Variants in BANP observed in about 807,000 individuals in gnomAD.
BANP encodes BTG3 associated nuclear protein, also known as protein BANP.
A neutral mutation model predicts 68.1 loss-of-function variants in BANP; 11 were observed. That is an observed-to-expected ratio of 0.16 (90% CI 0.10 to 0.27). The LOEUF (loss-of-function observed/expected upper bound fraction) is 0.27. Among genes scored for constraint, BANP ranks in the 10% least tolerant of loss-of-function variants. The pLI, the probability that BANP is intolerant of heterozygous loss-of-function variation, is 1.00. For synonymous variants in BANP, 329 were observed against 303.2 expected (o/e 1.09, Z -0.88); for missense variants, 504 against 722.7 (o/e 0.70, Z 3.47).
At position 87,988,430 on chromosome 16, in the gene BANP, A is replaced by AT. The variant is rs879815857; in HGVS notation, c.362+4185dup. ...AGGTGCAGGCCACCACGCCTGGCTA[A>AT]TTTTTTTTTTTTTTAAATTAGAGAT... On this transcript the variant is annotated intron_variant, in intron 4 of 13. Coordinates refer to ENST00000682872, the MANE Select transcript of BANP (RefSeq NM_001386991.1). Among the ~76,000 whole-genome samples the AT allele has an allele frequency of 6.2e-3, 895 of 144,404 alleles. 10 individuals are homozygous for AT. Among genetic ancestry groups the AT allele is most frequent in the African/African-American group, 0.019 (766 of 39,478 alleles). 94.7% of individuals were successfully genotyped at this position (144,404 alleles called of 152,430 possible). A position where few individuals can be genotyped will look rare whatever the true frequency, so the allele number is the denominator to read the frequency against.
chr16:87,960,710 C>A (rs2058975865), intron 1 of BANP, among the ~76,000 whole-genome samples: 1 of 152,160 alleles, frequency 6.6e-6, no homozygotes, highest in Admixed American at 6.5e-5. Flanking sequence ...AAAGCACTTT[C>A]ATTGTATTTT....
rs548981659 is a variant in BANP, at chr16:87,967,666, G to T, written c.-68-7382G>T. ...AGATGGAGTCTCACTCTGTCGCCCA[G>T]GCTGGAGTGCAGTGGCGCAGTCTTG... On this transcript the variant is annotated intron_variant, in intron 1 of 13. Coordinates refer to ENST00000682872, the MANE Select transcript of BANP (RefSeq NM_001386991.1). Among the ~76,000 whole-genome samples the T allele has an allele frequency of 3.5e-5, 5 of 141,346 alleles. No individual in the cohort carries two copies. In the South Asian group the frequency reaches 1.1e-3, roughly 31 times the overall value. 92.7% of individuals were successfully genotyped at this position (141,346 alleles called of 152,430 possible).
rs1319041084 is a variant in BANP, at chr16:88,033,359, G to A, written c.1200+114G>A. ...TGTTTTGGGAGCACAGTGATAGCTT[G>A]GGAGGAGGCACAAGGTCCCCATTTA... is the stretch of plus-strand genomic sequence containing the variant. On this transcript the variant is annotated intron_variant, in intron 9 of 13. Transcript: ENST00000682872. The A allele has an allele frequency of 1.3e-5, 15 of 1,140,498 alleles. No homozygotes were observed. In the South Asian group the frequency reaches 3.1e-4, roughly 23 times the overall value. The allele number at this position is 1,140,498 out of a possible 1,614,324, so 70.6% of individuals were successfully genotyped here. A position where few individuals can be genotyped will look rare whatever the true frequency, so the allele number is the denominator to read the frequency against.
chr16:87,998,791 G>T, intron 4 of BANP, among the ~76,000 whole-genome samples: 1 of 130,310 alleles, frequency 7.7e-6, no homozygotes, highest in Non-Finnish European at 1.6e-5. Context: ...CACGTGCGCG[G>T]CTGTACTTAC....
At chr16:88,015,822 T>C (rs1302720872) in intron 6 of BANP, among the ~76,000 whole-genome samples, 2 of 152,254 alleles carry the variant, frequency 1.3e-5, no homozygotes, top group African/African-American at 4.8e-5. Flanking sequence ...CGGGGCTCTG[T>C]ACCGGTGCTG....
rs374469815 is a variant in BANP at position 88,006,269 on chromosome 16, C to T, written c.655+4C>T. The T allele has an allele frequency of 5.7e-6, 9 of 1,583,080 alleles. No homozygotes were observed. The highest frequency in any genetic ancestry group is 2.7e-5 in the African/African-American group (2 of 74,108). On this transcript the variant is annotated splice_donor_region_variant and intron_variant, in intron 6 of 13. Coordinates refer to ENST00000682872, the MANE Select transcript of BANP (RefSeq NM_001386991.1). ...CTCATCACCCTGAACTCGGAAGGTG[C>T]GTCCAGGGCGGCTTTCCTCGGCCAG...
chr16:88,063,356 G>T (rs532199238), intron 11 of BANP, among the ~76,000 whole-genome samples: 1 of 152,316 alleles, frequency 6.6e-6, no homozygotes, highest in East Asian at 1.9e-4. Flanking sequence ...TGTCGTTGTG[G>T]TCCTCCCTGC....
Position 88,039,766 on chromosome 16 carries a change from C to T in BANP, c.1311+1755C>T, listed in dbSNP as rs1174188185. 1.1e-4 allele frequency among the ~76,000 whole-genome samples: 16 copies of T among 143,176 alleles called. 3 individuals are homozygous for T. The highest frequency in any genetic ancestry group is 6.3e-4 in the Admixed American group (9 of 14,214). The allele number at this position is 143,176 out of a possible 152,430, so 93.9% of individuals were successfully genotyped here. On this transcript the variant is annotated intron_variant, in intron 11 of 13. Coordinates refer to ENST00000682872, the MANE Select transcript of BANP (RefSeq NM_001386991.1). ...CTCGGGGCTGACGTCGGAGGAGTTG[C>T]TGTCTGGATTTCTCTGAACAAGACT...
intron 1 of BANP, among the ~76,000 whole-genome samples, chr16:87,953,643 T>G (rs2057442703): frequency 6.6e-6 from 1 of 152,226 alleles, no homozygotes; most frequent in East Asian, 1.9e-4. Context: ...ACGGACAAAT[T>G]GAGTGTTTCC....
At chr16:88,027,372 C>T (rs896295711) in intron 7 of BANP, 111 bp from the exon 8 acceptor site, 81 of 1,219,658 alleles carry the variant, frequency 6.6e-5, no homozygotes, top group Non-Finnish European at 9.1e-5. Context: ...GCCTGGCGGG[C>T]TGGGGTGCCT....
intron 7 of BANP, among the ~76,000 whole-genome samples, chr16:88,021,750 T>C (rs7201020): frequency 0.28 from 43,343 of 152,092 alleles, 7,106 homozygotes; most frequent in East Asian, 0.59. Flanking sequence ...TGCCCCACCT[T>C]ACTCTCTGCT....
chr16:87,977,202 C>A (rs1312486355), intron 2 of BANP, among the ~76,000 whole-genome samples: 1 of 152,158 alleles, frequency 6.6e-6, no homozygotes, highest in Non-Finnish European at 1.5e-5. Context: ...ATCACGATGT[C>A]AGGAGATTGA....
intron 11 of BANP, among the ~76,000 whole-genome samples, chr16:88,056,426 G>A (rs576704134): frequency 6.6e-6 from 1 of 151,584 alleles, no homozygotes; most frequent in South Asian, 2.1e-4. Context: ...AGGACAAGCT[G>A]GACAAAGTGT....
chr16:88,030,404 G>A (rs1005327247), intron 8 of BANP, among the ~76,000 whole-genome samples: 1 of 152,234 alleles, frequency 6.6e-6, no homozygotes, highest in African/African-American at 2.4e-5. Flanking sequence ...GACTCGAAGA[G>A]TGAGGAGAGT....
At chr16:87,984,427 C>A (rs1185828816) in intron 4 of BANP, among the ~76,000 whole-genome samples, 168 bp downstream of exon 4, 1 of 152,216 alleles carries the variant, frequency 6.6e-6, no homozygotes, top group Non-Finnish European at 1.5e-5. Flanking sequence ...AGACCGAAAC[C>A]GAACACATGG....
intron 1 of BANP, among the ~76,000 whole-genome samples, chr16:87,965,429 T>TG (rs2059848664): frequency 1.1e-5 from 1 of 92,300 alleles, no homozygotes; most frequent in Non-Finnish European, 2.2e-5. Flanking sequence ...GGCAGCACCG[T>TG]GGGGGAAGGG....
chr16:87,972,002 A>C (rs554769975), intron 1 of BANP, among the ~76,000 whole-genome samples: 1 of 152,236 alleles, frequency 6.6e-6, no homozygotes, highest in South Asian at 2.1e-4. Flanking sequence ...GTACATGCCC[A>C]GGCTGCTCTT....
chr16:88,043,106 G>C (rs550507135), intron 11 of BANP, among the ~76,000 whole-genome samples: 2 of 152,304 alleles, frequency 1.3e-5, no homozygotes, highest in East Asian at 1.9e-4. Flanking sequence ...AGCAGAGCCC[G>C]TGTGTGTGGA....
At chr16:87,958,709 A>T (rs1437756861) in intron 1 of BANP, among the ~76,000 whole-genome samples, 1 of 152,162 alleles carries the variant, frequency 6.6e-6, no homozygotes, top group Non-Finnish European at 1.5e-5. Flanking sequence ...TCTCAAGAAA[A>T]AACAAGCAAA....
Sources: gnomAD v4.1 joint callset for allele counts (sites outside exome capture counted in the v4.1 genomes callset) on GRCh38, gnomAD v4.1.1 for gene constraint, MANE v1.5 for transcripts, NCBI Gene and HGNC (gene_info 2026-07-23, HGNC 2026-07-21) for gene names.